The following KCNN2 variants were observed in gnomAD, a reference collection of about 807,000 sequenced individuals.
KCNN2 encodes small conductance calcium-activated potassium channel protein 2.
KCNN2 carries 24 observed loss-of-function variants against 55.5 expected under a neutral mutation model. The ratio of observed to expected loss-of-function variants is 0.43; its 90% CI spans 0.31 to 0.61. KCNN2 has a LOEUF of 0.61. Ranked by LOEUF, KCNN2 falls within the 20% of genes least tolerant of loss-of-function variation. KCNN2 has a pLI of 0.08. For missense variants in KCNN2, 754 were observed against 853.6 expected, an observed-to-expected ratio of 0.88 and a Z score of 1.45; for synonymous variants, 431 against 336.1, an observed-to-expected ratio of 1.28 and a Z score of -3.09.
At chr5:114,360,488 A>G (rs556178675), upstream of KCNN2, among the ~76,000 whole-genome samples, 45 of 152,362 alleles carry the variant, frequency 3.0e-4, no homozygotes, top group South Asian at 1.0e-3. Flanking sequence ...AGGCTTTAAA[A>G]TAATTTAAAA....
intron 2 of KCNN2, among the ~76,000 whole-genome samples, chr5:114,353,462 G>A (rs1318672686): frequency 6.6e-6 from 1 of 151,566 alleles, no homozygotes; most frequent in Non-Finnish European, 1.5e-5. Flanking sequence ...TTATTTTAAG[G>A]TATTTTATTT....
At chr5:114,163,709 TG>T (rs1752846227) in intron 1 of KCNN2, among the ~76,000 whole-genome samples, 2 of 152,092 alleles carry the variant, frequency 1.3e-5, no homozygotes, top group Admixed American at 1.3e-4. Context: ...CCTGGTAATA[TG>T]GGGAGGAAGG....
chr5:114,322,576 T>TACACAC (rs113249707), intron 2 of KCNN2, among the ~76,000 whole-genome samples: 5,670 of 148,642 alleles, frequency 0.038, 248 homozygotes, highest in African/African-American at 0.11. Flanking sequence ...CACTCCCCCA[T>TACACAC]ACACACACAC....
chr5:114,105,679 A>T (rs1751468595), intron 1 of KCNN2, among the ~76,000 whole-genome samples: 1 of 152,014 alleles, frequency 6.6e-6, no homozygotes, highest in African/African-American at 2.4e-5. Context: ...TTTGTTGCTA[A>T]TGGATTATCA....
In KCNN2 at chr5:114,076,758, A is replaced by T. The variant is rs546911098; in HGVS notation, c.-271+20258A>T. ...ACCCAGGCTGGAGTGCAGTGGTGCG[A>T]TCTCGGCTTACTGCAACCTCAGCCT... On this transcript the variant is annotated intron_variant, in intron 1 of 10. Transcript: ENST00000512097. Among the ~76,000 whole-genome samples the T allele has an allele frequency of 3.9e-5, 6 of 152,258 alleles. No homozygotes were observed. The South Asian group carries it at 1.2e-3, about 32-fold the overall frequency.
intron 3 of KCNN2, among the ~76,000 whole-genome samples, chr5:114,431,355 G>C (rs963607244): frequency 2.0e-5 from 3 of 151,826 alleles, no homozygotes; most frequent in Non-Finnish European, 2.9e-5. Flanking sequence ...ATTTTATCTA[G>C]GTTGTCAAAT....
intron 2 of KCNN2, among the ~76,000 whole-genome samples, chr5:114,282,863 T>C (rs1176637025): frequency 6.6e-6 from 1 of 152,198 alleles, no homozygotes; most frequent in Non-Finnish European, 1.5e-5. Flanking sequence ...TTCAATTCCA[T>C]TTCTAACTGT....
chr5:114,068,959 G>A (rs919646309), intron 1 of KCNN2, among the ~76,000 whole-genome samples: 1 of 152,134 alleles, frequency 6.6e-6, no homozygotes, highest in African/African-American at 2.4e-5. Context: ...GATTACAAGT[G>A]CCTGCCAACC....
intron 2 of KCNN2, among the ~76,000 whole-genome samples, chr5:114,281,866 T>A (rs1484566691): frequency 1.3e-5 from 2 of 151,876 alleles, no homozygotes; most frequent in African/African-American, 4.8e-5. Flanking sequence ...ATTTTCTGTG[T>A]TTTTTTTCTA....
At chr5:114,434,436 C>G (rs981676637) in intron 3 of KCNN2, among the ~76,000 whole-genome samples, 5 of 152,050 alleles carry the variant, frequency 3.3e-5, no homozygotes, top group African/African-American at 1.2e-4. Context: ...ATTTTAAATC[C>G]CAGTCTGATA....
intron 1 of KCNN2, among the ~76,000 whole-genome samples, chr5:114,207,361 G>A (rs1753797775): frequency 6.6e-6 from 1 of 152,174 alleles, no homozygotes; most frequent in Non-Finnish European, 1.5e-5. Flanking sequence ...CTCCTCATTT[G>A]TGAAAGGAAG....
At chr5:114,112,670 A>T (rs35721246) in intron 1 of KCNN2, among the ~76,000 whole-genome samples, 32,393 of 151,952 alleles carry the variant, frequency 0.21, 3,946 homozygotes, top group African/African-American at 0.34. Flanking sequence ...TCAAGATTGT[A>T]TTTGTATTAC....
intron 1 of KCNN2, among the ~76,000 whole-genome samples, chr5:114,166,423 C>G (rs937615781): frequency 6.6e-6 from 1 of 152,142 alleles, no homozygotes; most frequent in Non-Finnish European, 1.5e-5. Flanking sequence ...AACTTACTCT[C>G]TCATTTAGAG....
At chr5:114,317,690 G>A (rs1240529726) in intron 2 of KCNN2, among the ~76,000 whole-genome samples, 1 of 152,196 alleles carries the variant, frequency 6.6e-6, no homozygotes, top group Non-Finnish European at 1.5e-5. Flanking sequence ...TTAGAGTGAG[G>A]AGGAATTTTG....
At chr5:114,478,239 A>T (rs1389603087) in intron 5 of KCNN2, among the ~76,000 whole-genome samples, 1 of 152,236 alleles carries the variant, frequency 6.6e-6, no homozygotes, top group Non-Finnish European at 1.5e-5. Flanking sequence ...CAGGAGAAAA[A>T]AACAACAACA....
At chr5:114,234,028 T>G (rs1027813756) in intron 2 of KCNN2, among the ~76,000 whole-genome samples, 18 of 149,324 alleles carry the variant, frequency 1.2e-4, no homozygotes, top group Non-Finnish European at 2.1e-4. Context: ...GGCTCTAGCT[T>G]TTTTTTTTTG....
At chr5:114,243,217 G>A (rs1049850493) in intron 2 of KCNN2, among the ~76,000 whole-genome samples, 1 of 152,108 alleles carries the variant, frequency 6.6e-6, no homozygotes, top group African/African-American at 2.4e-5. Context: ...AGAAAAAGAT[G>A]AATAAGAACC....
chr5:114,467,376 G>A (rs898543422), intron 4 of KCNN2, among the ~76,000 whole-genome samples: 1 of 152,182 alleles, frequency 6.6e-6, no homozygotes, highest in African/African-American at 2.4e-5. Flanking sequence ...CCATTCCTTA[G>A]TGTTGAATGT....
chr5:114,361,184 C>G (rs749110078), upstream of KCNN2: 3 of 152,240 alleles, frequency 2.0e-5, no homozygotes, highest in Non-Finnish European at 4.4e-5. Context: ...GCCCTCCGCC[C>G]CCGCCAGGGG....
Sources: allele counts gnomAD v4.1 joint callset (sites outside exome capture counted in the v4.1 genomes callset), GRCh38; gene constraint gnomAD v4.1.1; transcripts MANE v1.5; gene names NCBI Gene and HGNC (gene_info 2026-07-23, HGNC 2026-07-21).